SDK1: variants seen among roughly 807,000 people sequenced by gnomAD.
The protein encoded by SDK1 is sidekick cell adhesion molecule 1, also known as protein sidekick-1.
In SDK1, 157 loss-of-function variants were observed where a neutral mutation model predicts 245.5. The ratio of observed to expected loss-of-function variants is 0.64; its 90% CI spans 0.56 to 0.73. SDK1 has a LOEUF of 0.73. Among genes scored for constraint, SDK1 ranks in the 30% least tolerant of loss-of-function variants. The pLI, the probability that SDK1 is intolerant of heterozygous loss-of-function variation, is 0.00. For synonymous variants in SDK1, 1,647 were observed against 1,278.5 expected, an observed-to-expected ratio of 1.29 and a Z score of -6.15; for missense variants, 3,583 against 3,002.3, an observed-to-expected ratio of 1.19 and a Z score of -4.52.
Position 3,301,793 on chromosome 7 carries a change from C to T in SDK1, c.207C>T (p.Gly69=), listed in dbSNP as rs1779269810. 4 of 1,021,124 alleles carry T rather than the reference C, an allele frequency of 3.9e-6. No individual in the cohort carries two copies. The highest frequency in any genetic ancestry group is 1.7e-5 in the African/African-American group (1 of 57,358). The allele number at this position is 1,021,124 out of a possible 1,614,324, so 63.3% of individuals were successfully genotyped here. ...ACACGGCGGGCGCGGGGCGGTGCGG[C>T]GGGCGGCGGGCGGCAAAGTTGGGGC... ...GGDTAGAGRC[G]GRRAAKLGPG... is the part of the protein sequence containing the mutation. The change falls in exon 1 of 45, where the codon GGC becomes GGT. Residue 69 remains glycine, a synonymous_variant. Coordinates refer to ENST00000404826, the MANE Select transcript of SDK1 (RefSeq NM_152744.4).
At chr7:3,658,878 A>T (rs531802020) in intron 4 of SDK1, among the ~76,000 whole-genome samples, 3 of 152,236 alleles carry the variant, frequency 2.0e-5, no homozygotes, top group African/African-American at 7.2e-5. Flanking sequence ...TCAGCCTCTC[A>T]AAGTGCTGGG....
intron 1 of SDK1, among the ~76,000 whole-genome samples, chr7:3,529,712 A>C (rs1562542556): frequency 6.6e-6 from 1 of 152,198 alleles, no homozygotes; most frequent in Non-Finnish European, 1.5e-5. Flanking sequence ...GATGAGAAAC[A>C]GAATATTGAT....
In SDK1 at chr7:3,504,182, ATG is replaced by A. The variant is rs56306302; in HGVS notation, c.299-114868_299-114867del. Among the ~76,000 whole-genome samples, 583 of 131,892 alleles carry A rather than the reference ATG, an allele frequency of 4.4e-3. 3 individuals are homozygous for A. The highest frequency in any genetic ancestry group is 7.9e-3 in the Middle Eastern group (2 of 252). 86.5% of individuals were successfully genotyped at this position (131,892 alleles called of 152,430 possible). ...AACCAAAAAAATTATATATATATATATGTGTGTGTGTGTGTGTGTGTGTGTGT... is the reference window on the plus strand; with the variant it reads ...AACCAAAAAAATTATATATATATATATGTGTGTGTGTGTGTGTGTGTGTGT... On this transcript the variant is annotated intron_variant, in intron 1 of 44. Coordinates refer to ENST00000404826, the MANE Select transcript of SDK1 (RefSeq NM_152744.4).
intron 1 of SDK1, among the ~76,000 whole-genome samples, chr7:3,457,173 G>A (rs1339329795): frequency 6.6e-6 from 1 of 152,054 alleles, no homozygotes; most frequent in Non-Finnish European, 1.5e-5. Flanking sequence ...TTTGGTCCGG[G>A]CAAGGAGTGA....
chr7:3,403,300 G>T (rs1230252634), intron 1 of SDK1, among the ~76,000 whole-genome samples: 1 of 152,004 alleles, frequency 6.6e-6, no homozygotes, highest in African/African-American at 2.4e-5. Flanking sequence ...TTAAAATTTT[G>T]TAATTTCATT....
intron 35 of SDK1, among the ~76,000 whole-genome samples, chr7:4,203,931 G>A (rs1477684367): frequency 2.6e-5 from 4 of 152,378 alleles, no homozygotes; most frequent in Middle Eastern, 3.4e-3. Flanking sequence ...AGGGTCATGG[G>A]CCTTTGCCCA....
chr7:3,336,854 C>T (rs1441921795), intron 1 of SDK1, among the ~76,000 whole-genome samples: 1 of 152,156 alleles, frequency 6.6e-6, no homozygotes, highest in Non-Finnish European at 1.5e-5. Flanking sequence ...GTCATCACCC[C>T]ACTTTTGTCA....
intron 5 of SDK1, among the ~76,000 whole-genome samples, chr7:3,914,830 A>G (rs559046179): frequency 1.3e-5 from 2 of 152,328 alleles, no homozygotes; most frequent in African/African-American, 4.8e-5. Flanking sequence ...TTTTTTGAGA[A>G]TTTAAATGAG....
chr7:3,696,444 G>T (rs1236590477), intron 4 of SDK1, among the ~76,000 whole-genome samples: 1 of 152,120 alleles, frequency 6.6e-6, no homozygotes, highest in Non-Finnish European at 1.5e-5. Flanking sequence ...ATCACTAACT[G>T]ATAGGCATGA....
chr7:4,245,044 A>G (rs1270898129), intron 43 of SDK1, among the ~76,000 whole-genome samples: 2 of 152,086 alleles, frequency 1.3e-5, no homozygotes, highest in African/African-American at 2.4e-5. Context: ...ATTCCATTTA[A>G]TGTAACCGAG....
chr7:4,007,805 C>A (rs192380423), intron 14 of SDK1, among the ~76,000 whole-genome samples: 2 of 152,040 alleles, frequency 1.3e-5, no homozygotes, highest in Non-Finnish European at 2.9e-5. Flanking sequence ...GGGGTTTCAC[C>A]GTCTTGGCCA....
chr7:3,557,944 C>T (rs575558439), intron 1 of SDK1, among the ~76,000 whole-genome samples: 21 of 152,166 alleles, frequency 1.4e-4, no homozygotes, highest in Non-Finnish European at 2.9e-4. Flanking sequence ...TATGCTTGTA[C>T]ATTGTCTTTA....
intron 1 of SDK1, among the ~76,000 whole-genome samples, chr7:3,582,491 T>A (rs1281589246): frequency 6.6e-6 from 1 of 151,726 alleles, no homozygotes. Context: ...CTCCCTCAGG[T>A]AGGCCTCCAC....
intron 5 of SDK1, among the ~76,000 whole-genome samples, chr7:3,876,698 A>C (rs1172829590): frequency 6.6e-6 from 1 of 152,194 alleles, no homozygotes; most frequent in South Asian, 2.1e-4. Context: ...ATGTTTTTGG[A>C]GAGGAATGGA....
chr7:3,362,607 A>G lies in SDK1; in HGVS notation c.298+60723A>G, dbSNP rs574368875. 1.5e-3 allele frequency among the ~76,000 whole-genome samples: 235 copies of G among 152,284 alleles called. 2 individuals carry two copies. Among genetic ancestry groups the G allele is most frequent in the Middle Eastern group, 6.8e-3 (2 of 294 alleles). ...TTTTTCTTTTCAAACTTCTGAAGAA[A>G]TGTACAAGATTTAAAATTAATTTTG... On this transcript the variant is annotated intron_variant, in intron 1 of 44. Coordinates refer to ENST00000404826, the MANE Select transcript of SDK1 (RefSeq NM_152744.4).
chr7:3,967,421 C>G lies in SDK1; in HGVS notation c.1533C>G (p.Ile511Met). The G allele has an allele frequency of 6.2e-7, 1 of 1,612,108 alleles. No individual in the cohort carries two copies. Among genetic ancestry groups the G allele is most frequent in the Non-Finnish European group, 8.5e-7 (1 of 1,178,136 alleles). Residue 511 changes from isoleucine to methionine, a missense_variant, in exon 10 of 45, where the codon ATC becomes ATG. Coordinates refer to ENST00000404826, the MANE Select transcript of SDK1 (RefSeq NM_152744.4). ...TGTCCGGGGCTCCCAAACCCGCCATCACCTGGAAAAGAGGTGGGTAGCATC... is the reference window on the plus strand; with the variant it reads ...TGTCCGGGGCTCCCAAACCCGCCATGACCTGGAAAAGAGGTGGGTAGCATC... ...CEVSGAPKPA[I>M]TWKRENHILA...
intron 1 of SDK1, among the ~76,000 whole-genome samples, chr7:3,520,741 T>C (rs1033792679): frequency 2.0e-5 from 3 of 152,232 alleles, no homozygotes; most frequent in Non-Finnish European, 4.4e-5. Flanking sequence ...TTGAACCCTT[T>C]TACCAGCATT....
At chr7:3,362,805 A>C (rs1036965107) in intron 1 of SDK1, among the ~76,000 whole-genome samples, 15 of 152,192 alleles carry the variant, frequency 9.9e-5, no homozygotes, top group African/African-American at 3.6e-4. Flanking sequence ...ATACTTTTAT[A>C]GTTTTCCATG....
intron 1 of SDK1, among the ~76,000 whole-genome samples, chr7:3,612,010 C>G (rs116421109): frequency 0.022 from 3,350 of 152,214 alleles, 131 homozygotes; most frequent in African/African-American, 0.076. Context: ...GAAAACCAAA[C>G]ATTGTATCTT....
Sources: allele counts gnomAD v4.1 joint callset (sites outside exome capture counted in the v4.1 genomes callset), GRCh38; gene constraint gnomAD v4.1.1; transcripts MANE v1.5; gene names NCBI Gene and HGNC (gene_info 2026-07-23, HGNC 2026-07-21).